MED26: variants seen among roughly 807,000 people sequenced by gnomAD.
MED26 encodes mediator of RNA polymerase II transcription subunit 26.
In MED26, 7 loss-of-function variants were observed where a neutral mutation model predicts 43.7. The observed-to-expected ratio is 0.16, with a 90% CI of 0.09 to 0.30. The LOEUF (loss-of-function observed/expected upper bound fraction) is 0.30, where lower values mean the gene tolerates loss of function less well. Ranked by LOEUF, MED26 falls within the 10% of genes least tolerant of loss-of-function variation. The probability of loss-of-function intolerance (pLI) is 1.00; values close to 1 mark genes in which losing one functional copy is unlikely to be tolerated. For synonymous variants in MED26, 375 were observed against 371.1 expected, an observed-to-expected ratio of 1.01 and a Z score of -0.12; for missense variants, 784 against 840.6, an observed-to-expected ratio of 0.93 and a Z score of 0.83.
chr19:16,600,494 CAACCCTGCCTCTCCCCACAGACCCCAGA>C (rs914690707), intron 1 of MED26, among the ~76,000 whole-genome samples: 9 of 152,182 alleles, frequency 5.9e-5, no homozygotes, highest in Non-Finnish European at 1.3e-4. Context: ...CAGAATTTGA[CAACCCTGCCTCTCCCCACAGACCCCAGA>C]GGCCCTGTGA....
At chr19:16,583,650 T>C (rs1599332735) in intron 1 of MED26, among the ~76,000 whole-genome samples, 1 of 152,206 alleles carries the variant, frequency 6.6e-6, no homozygotes, top group African/African-American at 2.4e-5. Context: ...AGTTAGCAGG[T>C]GGGACCAGGT....
In MED26 at chr19:16,628,160, A is replaced by AGCC. The variant is rs1177438353; in HGVS notation, c.-220_-218dup. The AGCC allele has an allele frequency of 2.5e-5, 9 of 362,712 alleles. No homozygotes were observed. Among genetic ancestry groups the AGCC allele is most frequent in the Middle Eastern group, 7.4e-4 (1 of 1,358 alleles). The allele number at this position is 362,712 out of a possible 1,614,324, so 22.5% of individuals were successfully genotyped here. On this transcript the variant is annotated 5_prime_UTR_variant, in exon 1 of 3. Coordinates refer to ENST00000263390, the MANE Select transcript of MED26 (RefSeq NM_004831.5). ...CCAAAGGAGGAGGAGGAGCCGCCGG[A>AGCC]GCCGCCGCCGCTCGCTGCCGCCGCC...
chr19:16,621,260 C>G (rs763395343), intron 1 of MED26, among the ~76,000 whole-genome samples: 7 of 152,144 alleles, frequency 4.6e-5, no homozygotes, highest in Non-Finnish European at 8.8e-5. Flanking sequence ...CTCCTAGCCC[C>G]TAAAATGAAG....
chr19:16,577,958 G>A lies in MED26; in HGVS notation c.148-276C>T, dbSNP rs1430418935. 8.5e-6 allele frequency: 4 copies of A among 473,004 alleles called. No homozygotes were observed. The East Asian group carries it at 1.6e-4, about 18-fold the overall frequency. The allele number at this position is 473,004 out of a possible 1,614,324, so 29.3% of individuals were successfully genotyped here. A position where few individuals can be genotyped will look rare whatever the true frequency, so the allele number is the denominator to read the frequency against. On this transcript the variant is annotated intron_variant, in intron 2 of 2. Transcript: ENST00000263390. The surrounding 1 kb of genome is among the most constrained non-coding windows in gnomAD (Gnocchi z 8.1). ...TGTCAGGGGGCTGTGGACCATCAAG[G>A]CCACTGTAAGGACACTGCCAGAGAG...
intron 1 of MED26, among the ~76,000 whole-genome samples, chr19:16,614,121 C>A (rs1262938893): frequency 1.3e-5 from 2 of 152,172 alleles, no homozygotes; most frequent in Non-Finnish European, 2.9e-5. Flanking sequence ...CTCCATGTCA[C>A]AAGTAAAAAG....
intron 1 of MED26, chr19:16,610,404 T>C (rs2086194578): frequency 6.6e-6 from 1 of 151,962 alleles, no homozygotes. Flanking sequence ...CTTTTTTTTT[T>C]TTTTCAAGAC....
In MED26 at chr19:16,576,570, T is replaced by C. The variant is rs368553635; in HGVS notation, c.1260A>G (p.Leu420=). The change falls in exon 3 of 3, where the codon TTA becomes TTG. Residue 420 remains leucine (L), a synonymous_variant. Transcript: ENST00000263390. The surrounding 1 kb of genome is among the most constrained non-coding windows in gnomAD (Gnocchi z 6.8). ...VAEAGVKPVR[L]KERKLTFDPM... ...GGTCAAAGGTGAGCTTCCGCTCTTT[T>C]AACCGGACAGGCTTGACGCCCGCCT... is the stretch of plus-strand genomic sequence containing the variant. 3 of 1,614,098 alleles carry C rather than the reference T, an allele frequency of 1.9e-6. No individual in the cohort carries two copies. In the African/African-American group the frequency reaches 4.0e-5, roughly 22 times the overall value.
rs1051441766 is a variant in MED26, at chr19:16,628,002, G to A, written c.-59C>T. ...AGCGGGCGGGCGGGCTGAGGCGGGG[G>A]ACGGGGGTCACTCACTCGCCGGCCT... is the stretch of plus-strand genomic sequence containing the variant. On this transcript the variant is annotated 5_prime_UTR_variant, in exon 1 of 3. Transcript: ENST00000263390. 7 of 1,142,824 alleles carry A rather than the reference G, an allele frequency of 6.1e-6. No individual in the cohort carries two copies. In the African/African-American group the frequency reaches 9.6e-5, roughly 16 times the overall value. 70.8% of individuals were successfully genotyped at this position (1,142,824 alleles called of 1,614,324 possible). A position where few individuals can be genotyped will look rare whatever the true frequency, so the allele number is the denominator to read the frequency against.
rs2086012232 is a variant in MED26, at chr19:16,577,172, T to G, written c.658A>C (p.Lys220Gln). Reference sequence around the variant, plus strand: ...GGTCGCACGGCGTTGACGGGGATCTTGCCACTGTGCTTGTCATTCTCGTCA... The same window carrying G: ...GGTCGCACGGCGTTGACGGGGATCTGGCCACTGTGCTTGTCATTCTCGTCA... ...ERDENDKHSG[K>Q]IPVNAVRPHT... is the part of the protein sequence containing the mutation. Residue 220 changes from lysine to glutamine, a missense_variant, in exon 3 of 3, where the codon AAG becomes CAG. Coordinates refer to ENST00000263390, the MANE Select transcript of MED26 (RefSeq NM_004831.5). The surrounding 1 kb of genome is among the most constrained non-coding windows in gnomAD (Gnocchi z 8.1). The G allele has an allele frequency of 3.1e-6, 5 of 1,613,330 alleles. No homozygotes were observed. The East Asian group carries it at 1.1e-4, about 36-fold the overall frequency.
intron 1 of MED26, among the ~76,000 whole-genome samples, chr19:16,595,944 C>T (rs899681803): frequency 2.6e-5 from 4 of 152,154 alleles, no homozygotes; most frequent in African/African-American, 9.7e-5. Flanking sequence ...GAATCAATTC[C>T]CAGGTGTTAA....
chr19:16,609,929 A>G (rs533494760), intron 1 of MED26, among the ~76,000 whole-genome samples: 1 of 148,186 alleles, frequency 6.7e-6, no homozygotes, highest in South Asian at 2.2e-4. Context: ...GTTCTTGGAC[A>G]CAAGCACTCT....
In MED26 at chr19:16,577,350, C is replaced by A; in HGVS notation, c.480G>T (p.Gly160=). ...TAGCTTTGGAGACCTTGGGTGGCGG[C>A]CCTGGGTGGCCGAGGTCACGCTGGT... ...RGDQRDLGHP[G]PPPKVSKASH... The change falls in exon 3 of 3, where the codon GGG becomes GGT. Residue 160 remains glycine, a synonymous_variant. Transcript: ENST00000263390. This position sits in a 1 kb window ranked among gnomAD's most constrained non-coding sequence, Gnocchi z 8.1. 6.2e-7 allele frequency: 1 copy of A among 1,611,686 alleles called. No individual in the cohort carries two copies.
intron 1 of MED26, among the ~76,000 whole-genome samples, chr19:16,580,435 C>G (rs754078143): frequency 1.9e-4 from 29 of 151,898 alleles, no homozygotes; most frequent in Non-Finnish European, 1.0e-4. Context: ...ATGGCACGAT[C>G]TCGGCTCACT....
At chr19:16,605,948 G>A (rs780759149) in intron 1 of MED26, among the ~76,000 whole-genome samples, 10 of 152,226 alleles carry the variant, frequency 6.6e-5, no homozygotes, top group Non-Finnish European at 1.2e-4. Flanking sequence ...ACTGTGTGCG[G>A]ATATTCGTGC....
At chr19:16,611,047 G>A (rs1161515759) in intron 1 of MED26, 1 of 152,322 alleles carries the variant, frequency 6.6e-6, no homozygotes, top group Admixed American at 6.5e-5. Context: ...ACTGAAGGAT[G>A]TGAAGTGACA....
intron 1 of MED26, among the ~76,000 whole-genome samples, chr19:16,622,199 C>T (rs2086254769): frequency 6.6e-6 from 1 of 152,234 alleles, no homozygotes; most frequent in Non-Finnish European, 1.5e-5. Flanking sequence ...ACGGGGAGAA[C>T]TGTTCCATTT....
intron 2 of MED26, 178 bp downstream of exon 2, chr19:16,578,157 T>C: frequency 1.5e-6 from 1 of 655,914 alleles, no homozygotes; most frequent in South Asian, 1.8e-5. Flanking sequence ...CACCACTTGG[T>C]CTCTGCAGTG....
rs1374514974 is a variant in MED26 at position 16,578,326 on chromosome 19, G to A, written c.147+9C>T. On this transcript the variant is annotated intron_variant, in intron 2 of 2. Transcript: ENST00000263390. ...TGCCCTCCCAAATGCTGGGGTCTGGGATACTCACCTCAAGTGCCTCTTTGG... is the reference window on the plus strand; with the variant it reads ...TGCCCTCCCAAATGCTGGGGTCTGGAATACTCACCTCAAGTGCCTCTTTGG... 20 of 1,613,542 alleles carry A rather than the reference G, an allele frequency of 1.2e-5. No homozygotes were observed. Among genetic ancestry groups the A allele is most frequent in the South Asian group, 2.2e-5 (2 of 91,056 alleles).
At chr19:16,608,723 T>A (rs2086185360) in intron 1 of MED26, among the ~76,000 whole-genome samples, 1 of 152,246 alleles carries the variant, frequency 6.6e-6, no homozygotes, top group African/African-American at 2.4e-5. Flanking sequence ...ACTCACATAC[T>A]GTCTCTGGCT....
Sources: allele counts gnomAD v4.1 joint callset (sites outside exome capture counted in the v4.1 genomes callset), GRCh38; gene constraint gnomAD v4.1.1; non-coding constraint Gnocchi (gnomAD v3.1); transcripts MANE v1.5; gene names NCBI Gene and HGNC (gene_info 2026-07-23, HGNC 2026-07-21).